ITGB6: variants seen among roughly 807,000 people sequenced by gnomAD.
ITGB6 encodes the protein integrin subunit beta 6.
A neutral mutation model predicts 84.5 loss-of-function variants in ITGB6; 80 were observed. That is an observed-to-expected ratio of 0.95 (90% CI 0.79 to 1.14). The LOEUF (loss-of-function observed/expected upper bound fraction) is 1.14, where lower values mean the gene tolerates loss of function less well. Among genes scored for constraint, ITGB6 ranks in the 50% most tolerant of loss-of-function variants. ITGB6 has a pLI of 0.00. For synonymous variants in ITGB6, 383 were observed against 354.9 expected, an observed-to-expected ratio of 1.08 and a Z score of -0.89; for missense variants, 1,006 against 968.0, an observed-to-expected ratio of 1.04 and a Z score of -0.52.
intron 12 of ITGB6, among the ~76,000 whole-genome samples, chr2:160,121,406 T>C (rs1327147111): frequency 6.6e-6 from 1 of 152,240 alleles, no homozygotes; most frequent in East Asian, 1.9e-4. Flanking sequence ...CGCCTTTTTC[T>C]ATGTAATGTT....
At position 160,178,145 on chromosome 2, in the gene ITGB6, G is replaced by A. The variant is rs565700586; in HGVS notation, c.594-4006C>T. On this transcript the variant is annotated intron_variant, in intron 4 of 14. Transcript: ENST00000283249. ...CCACCTTGGCATCCCAAAGTGCTGC[G>A]AGTACAGGCGTGCACCACTGTGCCC... 6.6e-5 allele frequency among the ~76,000 whole-genome samples: 10 copies of A among 152,328 alleles called. No homozygotes were observed. The South Asian group carries it at 1.7e-3, about 25-fold the overall frequency.
chr2:160,199,125 C>T, intron 2 of ITGB6, 54 bp downstream of exon 2: 1 of 1,400,858 alleles, frequency 7.1e-7, no homozygotes, highest in Non-Finnish European at 1.0e-6. Context: ...AGGAAATTAA[C>T]ATGAATTTAA....
chr2:160,175,904 G>T (rs540090009), intron 4 of ITGB6, among the ~76,000 whole-genome samples: 2 of 152,306 alleles, frequency 1.3e-5, no homozygotes, highest in Admixed American at 1.3e-4. Flanking sequence ...GGGCAAGTTT[G>T]CAGAACATGA....
intron 13 of ITGB6, among the ~76,000 whole-genome samples, chr2:160,110,577 C>G (rs985453245): frequency 2.6e-5 from 4 of 152,166 alleles, no homozygotes; most frequent in African/African-American, 9.7e-5. Flanking sequence ...TGTTGTGGCT[C>G]TTATGCTCTG....
At chr2:160,186,511 T>C (rs1194427603) in intron 4 of ITGB6, among the ~76,000 whole-genome samples, 2 of 152,210 alleles carry the variant, frequency 1.3e-5, no homozygotes, top group Non-Finnish European at 2.9e-5. Flanking sequence ...TTTTACACTG[T>C]TGGTGGGAGT....
At chr2:160,150,510 A>G (rs1310961892) in intron 7 of ITGB6, among the ~76,000 whole-genome samples, 1 of 152,236 alleles carries the variant, frequency 6.6e-6, no homozygotes, top group Non-Finnish European at 1.5e-5. Context: ...AACTTGCCAA[A>G]TTGTAAAGGA....
chr2:160,179,692 C>T (rs907255050), intron 4 of ITGB6, among the ~76,000 whole-genome samples: 13 of 151,792 alleles, frequency 8.6e-5, no homozygotes, highest in Non-Finnish European at 2.9e-5. Flanking sequence ...ATGCCCGGCC[C>T]ATTCCAGCAT....
intron 4 of ITGB6, among the ~76,000 whole-genome samples, chr2:160,183,026 C>T (rs1378363822): frequency 2.0e-5 from 3 of 152,154 alleles, no homozygotes; most frequent in Non-Finnish European, 4.4e-5. Context: ...TGGTACCAGC[C>T]ACTGCAAAAA....
At chr2:160,164,018 G>A (rs1019159075) in intron 7 of ITGB6, among the ~76,000 whole-genome samples, 1 of 152,148 alleles carries the variant, frequency 6.6e-6, no homozygotes, top group African/African-American at 2.4e-5. Context: ...TATGATTGCC[G>A]ATTAATTTGC....
At chr2:160,105,701 T>G (rs565817266) in intron 14 of ITGB6, among the ~76,000 whole-genome samples, 1 of 152,298 alleles carries the variant, frequency 6.6e-6, no homozygotes, top group South Asian at 2.1e-4. Context: ...TTAACCATAT[T>G]CTTTTACCTG....
At chr2:160,102,157 T>C (rs1418941548) in intron 14 of ITGB6, among the ~76,000 whole-genome samples, 1 of 152,176 alleles carries the variant, frequency 6.6e-6, no homozygotes, top group African/African-American at 2.4e-5. Context: ...CCAAAGCAGG[T>C]ACTCAGTATG....
At chr2:160,121,742 G>A (rs7608267) in intron 12 of ITGB6, among the ~76,000 whole-genome samples, 100,088 of 150,130 alleles carry the variant, frequency 0.67, 33,712 homozygotes, top group Admixed American at 0.74. Context: ...CACTCCAGCC[G>A]GGGAGACAGG....
intron 11 of ITGB6, among the ~76,000 whole-genome samples, chr2:160,125,158 A>T (rs1369255241): frequency 7.2e-5 from 11 of 152,232 alleles, no homozygotes; most frequent in Non-Finnish European, 1.3e-4. Flanking sequence ...GCACCTGTGA[A>T]GGCAGAGGCT....
chr2:160,163,763 G>A (rs577645409), intron 7 of ITGB6, among the ~76,000 whole-genome samples: 1 of 152,316 alleles, frequency 6.6e-6, no homozygotes, highest in South Asian at 2.1e-4. Context: ...GATTGAGACT[G>A]TAGATTCAGA....
At chr2:160,164,739 C>T (rs923350387) in intron 7 of ITGB6, among the ~76,000 whole-genome samples, 5 of 152,088 alleles carry the variant, frequency 3.3e-5, no homozygotes, top group Non-Finnish European at 5.9e-5. Context: ...AAGTATTGGC[C>T]TAATCAGGCA....
At chr2:160,116,806 G>A (rs1038004643) in intron 12 of ITGB6, among the ~76,000 whole-genome samples, 3 of 151,932 alleles carry the variant, frequency 2.0e-5, no homozygotes, top group East Asian at 1.9e-4. Flanking sequence ...TCAAAATAAA[G>A]GGATGGAGGA....
At chr2:160,179,489 T>G (rs924487805) in intron 4 of ITGB6, among the ~76,000 whole-genome samples, 5 of 150,604 alleles carry the variant, frequency 3.3e-5, no homozygotes, top group Non-Finnish European at 7.4e-5. Flanking sequence ...CAAGTGATTC[T>G]CCTGCCTCAG....
intron 7 of ITGB6, among the ~76,000 whole-genome samples, chr2:160,157,293 A>G (rs1434826832): frequency 6.6e-6 from 1 of 152,140 alleles, no homozygotes; most frequent in Non-Finnish European, 1.5e-5. Flanking sequence ...TCTTTAACAT[A>G]TTTTTTAAAG....
intron 7 of ITGB6, among the ~76,000 whole-genome samples, chr2:160,165,766 G>T (rs906614769): frequency 2.0e-5 from 3 of 152,192 alleles, no homozygotes; most frequent in South Asian, 2.1e-4. Flanking sequence ...AGGCTGTGGA[G>T]CTTCTCCAAC....
Sources: gnomAD v4.1 joint callset for allele counts (sites outside exome capture counted in the v4.1 genomes callset) on GRCh38, gnomAD v4.1.1 for gene constraint, MANE v1.5 for transcripts, NCBI Gene and HGNC (gene_info 2026-07-23, HGNC 2026-07-21) for gene names.